UMPS: variants seen among roughly 807,000 people sequenced by gnomAD.
The protein encoded by UMPS is uridine 5'-monophosphate synthase.
In UMPS, 21 loss-of-function variants were observed where a neutral mutation model predicts 38.9. The observed-to-expected ratio is 0.54, with a 90% CI of 0.38 to 0.78. The LOEUF is 0.78. UMPS is among the 30% of genes least tolerant of loss of function. The pLI is 0.00. For missense variants in UMPS, 533 were observed against 591.6 expected (o/e 0.90, Z 1.03); for synonymous variants, 208 against 219.3 (o/e 0.95, Z 0.45).
intron 1 of UMPS, among the ~76,000 whole-genome samples, chr3:124,734,251 T>C (rs972405887): frequency 1.3e-5 from 2 of 151,680 alleles, no homozygotes; most frequent in Non-Finnish European, 2.9e-5. Flanking sequence ...TCAGTGACTG[T>C]TTGCTTTTTT....
In UMPS at chr3:124,747,178, C is replaced by T. The variant is rs1417547882; in HGVS notation, c.*3094C>T. The T allele has an allele frequency of 2.2e-6, 1 of 453,772 alleles. No individual in the cohort carries two copies. The highest frequency in any genetic ancestry group is 4.4e-6 in the Non-Finnish European group (1 of 226,564). The allele number at this position is 453,772 out of a possible 1,614,324, so 28.1% of individuals were successfully genotyped here. A position where few individuals can be genotyped will look rare whatever the true frequency, so the allele number is the denominator to read the frequency against. On this transcript the variant is annotated 3_prime_UTR_variant, in exon 6 of 6. Coordinates refer to ENST00000232607, the MANE Select transcript of UMPS (RefSeq NM_000373.4). ...TGGCTGGAACTACAGGCGTGCACCA[C>T]CACAGCTGGTTAATTTTTAAAATTT...
At chr3:124,739,048 A>G (rs572466866) in intron 3 of UMPS, among the ~76,000 whole-genome samples, 1 of 152,328 alleles carries the variant, frequency 6.6e-6, no homozygotes, top group South Asian at 2.1e-4. Flanking sequence ...TTTGTCTTTA[A>G]GTGACTTCTT....
rs558659820 is a variant in UMPS, at chr3:124,733,017, G to A, written c.157-2076G>A. Among the ~76,000 whole-genome samples the A allele has an allele frequency of 4.1e-5, 6 of 145,440 alleles. No individual in the cohort carries two copies. In the South Asian group the frequency reaches 1.1e-3, roughly 26 times the overall value. On this transcript the variant is annotated intron_variant, in intron 1 of 5. Transcript: ENST00000232607. ...GTGTGTATTTTGGTGATTAACTGGG[G>A]AGGAGTTCAAAACATGGAGAGACTT...
chr3:124,745,403 G>A lies in UMPS; in HGVS notation c.*1319G>A, dbSNP rs821375. 17,035 of 451,666 alleles carry A rather than the reference G, an allele frequency of 0.038. 1,129 individuals carry two copies. The highest frequency in any genetic ancestry group is 0.2 in the African/African-American group (10,029 of 49,132). The allele number at this position is 451,666 out of a possible 1,614,324, so 28.0% of individuals were successfully genotyped here. A position where few individuals can be genotyped will look rare whatever the true frequency, so the allele number is the denominator to read the frequency against. On this transcript the variant is annotated 3_prime_UTR_variant, in exon 6 of 6. Transcript: ENST00000232607. ...TTTTTTGAGACAGAATCTCACTGTC[G>A]CCCAGGCTGGAGTTCAGTGGCACGA...
rs112368493 is a variant in UMPS, at chr3:124,745,239, T to C, written c.*1155T>C. ...AGGGTGAGGGCTGTCCCGGTGCTCA[T>C]TGCACCAGCACACTCACATTCCTTC... On this transcript the variant is annotated 3_prime_UTR_variant, in exon 6 of 6. Transcript: ENST00000232607. 3.0e-4 allele frequency: 136 copies of C among 454,088 alleles called. No individual in the cohort carries two copies. Among genetic ancestry groups the C allele is most frequent in the African/African-American group, 2.2e-3 (111 of 50,106 alleles). 28.1% of individuals were successfully genotyped at this position (454,088 alleles called of 1,614,324 possible).
chr3:124,748,884 G>C lies in UMPS; in HGVS notation c.*4800G>C. ...TGAAAAGGGCATGGGAGTTAGCTGA[G>C]AAGCAGACCTGGTGGGCCTGAGAGT... On this transcript the variant is annotated 3_prime_UTR_variant, in exon 6 of 6. Coordinates refer to ENST00000232607, the MANE Select transcript of UMPS (RefSeq NM_000373.4). The C allele has an allele frequency of 2.3e-6, 1 of 437,858 alleles. No individual in the cohort carries two copies. 27.1% of individuals were successfully genotyped at this position (437,858 alleles called of 1,614,324 possible).
intron 3 of UMPS, among the ~76,000 whole-genome samples, chr3:124,739,495 C>T (rs1433750890): frequency 1.3e-5 from 2 of 152,076 alleles, no homozygotes; most frequent in Non-Finnish European, 2.9e-5. Flanking sequence ...CCACACCTAG[C>T]TAATTTTTTT....
At chr3:124,734,661 A>T (rs534927688) in intron 1 of UMPS, among the ~76,000 whole-genome samples, 1 of 152,128 alleles carries the variant, frequency 6.6e-6, no homozygotes, top group Admixed American at 6.5e-5. Context: ...CAAGTTTGAG[A>T]CTTACCCCCA....
chr3:124,743,880 A>T (rs759681639), intron 5 of UMPS, 35 bp from the exon 6 acceptor site: 5 of 1,612,828 alleles, frequency 3.1e-6, no homozygotes. Context: ...TGATTTTTGT[A>T]TTATGTGAAA....
intron 1 of UMPS, chr3:124,733,706 G>A: frequency 6.4e-6 from 1 of 155,254 alleles, no homozygotes; most frequent in Middle Eastern, 2.6e-3. Flanking sequence ...GCCACTACTG[G>A]CCACAGCCCT....
At chr3:124,740,572 C>G (rs1267862475) in intron 4 of UMPS, among the ~76,000 whole-genome samples, 1 of 152,140 alleles carries the variant, frequency 6.6e-6, no homozygotes, top group Non-Finnish European at 1.5e-5. Flanking sequence ...CCAAGTCCTA[C>G]AGAGATGCAC....
intron 4 of UMPS, among the ~76,000 whole-genome samples, chr3:124,740,782 C>T (rs2063551122): frequency 6.6e-6 from 1 of 151,800 alleles, no homozygotes; most frequent in East Asian, 1.9e-4. Context: ...CTCGTCTCTA[C>T]AAAAAAATGA....
At chr3:124,733,055 ACTT>A (rs758687661) in intron 1 of UMPS, among the ~76,000 whole-genome samples, 1 of 151,680 alleles carries the variant, frequency 6.6e-6, no homozygotes, top group Non-Finnish European at 1.5e-5. Context: ...GTATAACAAA[ACTT>A]CTTTTCACAT....
rs1344258519 is a variant in UMPS, at chr3:124,748,170, T to G, written c.*4086T>G. The G allele has an allele frequency of 2.2e-6, 1 of 451,058 alleles. No homozygotes were observed. Among genetic ancestry groups the G allele is most frequent in the Non-Finnish European group, 4.4e-6 (1 of 226,178 alleles). 27.9% of individuals were successfully genotyped at this position (451,058 alleles called of 1,614,324 possible). Reference sequence around the variant, plus strand: ...GTCTCGAACTCCTTAGCTCAAGTGATCCTCCTGCCTTGGCTTCCCAAAGTG... The same window carrying G: ...GTCTCGAACTCCTTAGCTCAAGTGAGCCTCCTGCCTTGGCTTCCCAAAGTG... On this transcript the variant is annotated 3_prime_UTR_variant, in exon 6 of 6. Coordinates refer to ENST00000232607, the MANE Select transcript of UMPS (RefSeq NM_000373.4).
At chr3:124,733,382 G>A (rs1356977742) in intron 1 of UMPS, 1 of 158,008 alleles carries the variant, frequency 6.3e-6, no homozygotes, top group Non-Finnish European at 1.4e-5. Flanking sequence ...TTCCTCAAGA[G>A]AATAGTTTCT....
rs1308174609 is a variant in UMPS, at chr3:124,746,369, G to A, written c.*2285G>A. ...CTGGGCGTGTGCATTTCTAATGGGTGCCTCAAGTGATCTGTTTCTGATTTG... is the reference window on the plus strand; with the variant it reads ...CTGGGCGTGTGCATTTCTAATGGGTACCTCAAGTGATCTGTTTCTGATTTG... On this transcript the variant is annotated 3_prime_UTR_variant, in exon 6 of 6. Coordinates refer to ENST00000232607, the MANE Select transcript of UMPS (RefSeq NM_000373.4). 1.3e-5 allele frequency: 6 copies of A among 454,042 alleles called. No homozygotes were observed. Among genetic ancestry groups the A allele is most frequent in the Non-Finnish European group, 2.6e-5 (6 of 226,810 alleles). The allele number at this position is 454,042 out of a possible 1,614,324, so 28.1% of individuals were successfully genotyped here.
rs948779967 is a variant in UMPS, at chr3:124,749,112, T to G, written c.*5028T>G. On this transcript the variant is annotated 3_prime_UTR_variant, in exon 6 of 6. Coordinates refer to ENST00000232607, the MANE Select transcript of UMPS (RefSeq NM_000373.4). ...TGGGGAGGATCCTGAAATGATTGTATTTAACAAGACATGCTGTCCTTGTTT... is the reference window on the plus strand; with the variant it reads ...TGGGGAGGATCCTGAAATGATTGTAGTTAACAAGACATGCTGTCCTTGTTT... 2 of 454,124 alleles carry G rather than the reference T, an allele frequency of 4.4e-6. No individual in the cohort carries two copies. The highest frequency in any genetic ancestry group is 8.8e-6 in the Non-Finnish European group (2 of 226,788). 28.1% of individuals were successfully genotyped at this position (454,124 alleles called of 1,614,324 possible).
At chr3:124,730,784 A>G (rs1246645857) in intron 1 of UMPS, among the ~76,000 whole-genome samples, 157 bp downstream of exon 1, 2 of 152,136 alleles carry the variant, frequency 1.3e-5, no homozygotes, top group Admixed American at 6.6e-5. Context: ...TGAGAAGCAC[A>G]GAGGCCAGGG....
rs2063599049 is a variant in UMPS, at chr3:124,746,453, A to T, written c.*2369A>T. ...AGGCCTCTTACCTAAGCAGAATCCC[A>T]GTCTGGCATCAAAGCTTTAGAGGAC... On this transcript the variant is annotated 3_prime_UTR_variant, in exon 6 of 6. Transcript: ENST00000232607. 1 of 454,040 alleles carries T rather than the reference A, an allele frequency of 2.2e-6. No individual in the cohort carries two copies. The highest frequency in any genetic ancestry group is 2.0e-5 in the African/African-American group (1 of 50,014). The allele number at this position is 454,040 out of a possible 1,614,324, so 28.1% of individuals were successfully genotyped here. A position where few individuals can be genotyped will look rare whatever the true frequency, so the allele number is the denominator to read the frequency against.
Sources: allele counts gnomAD v4.1 joint callset (sites outside exome capture counted in the v4.1 genomes callset), GRCh38; gene constraint gnomAD v4.1.1; transcripts MANE v1.5; gene names NCBI Gene and HGNC (gene_info 2026-07-23, HGNC 2026-07-21).